The following ATP23 variants were observed in gnomAD, a reference collection of about 807,000 sequenced individuals.
ATP23 encodes ATP23 metallopeptidase and ATP synthase assembly factor homolog.
A neutral mutation model predicts 28.5 loss-of-function variants in ATP23; 24 were observed. The ratio of observed to expected loss-of-function variants is 0.84; its 90% CI spans 0.61 to 1.18. ATP23 has a LOEUF of 1.18. ATP23 is among the 50% of genes most tolerant of loss of function. The probability of loss-of-function intolerance (pLI) is 0.00; values close to 1 mark genes in which losing one functional copy is unlikely to be tolerated. For missense variants in ATP23, 274 were observed against 306.4 expected (o/e 0.89, Z 0.79); for synonymous variants, 99 against 108.6 (o/e 0.91, Z 0.55).
intron 5 of ATP23, among the ~76,000 whole-genome samples, chr12:57,954,365 T>G (rs1322256890): frequency 6.6e-6 from 1 of 152,204 alleles, no homozygotes; most frequent in Non-Finnish European, 1.5e-5. Flanking sequence ...ATGTAATCCC[T>G]TTCAGAACAG....
chr12:57,948,325 C>G (rs2140532212), intron 3 of ATP23, among the ~76,000 whole-genome samples: 1 of 152,210 alleles, frequency 6.6e-6, no homozygotes, highest in East Asian at 1.9e-4. Flanking sequence ...CTCTGTCACC[C>G]AGGCTGGAAT....
At chr12:57,947,605 T>G (rs866701196) in intron 3 of ATP23, among the ~76,000 whole-genome samples, 5 of 152,150 alleles carry the variant, frequency 3.3e-5, no homozygotes, top group Admixed American at 6.5e-5. Context: ...TACCTTTACG[T>G]GGTGAGAATT....
At chr12:57,942,114 C>T (rs1309326969) in intron 1 of ATP23, among the ~76,000 whole-genome samples, 2 of 152,158 alleles carry the variant, frequency 1.3e-5, no homozygotes, top group African/African-American at 4.8e-5. Context: ...ATGAATTTGT[C>T]TGCCCTTTTT....
At chr12:57,948,844 G>A (rs917238795) in intron 3 of ATP23, among the ~76,000 whole-genome samples, 7 of 152,224 alleles carry the variant, frequency 4.6e-5, no homozygotes, top group East Asian at 1.9e-4. Context: ...CAATCCAACA[G>A]TGTGTTATTT....
At chr12:57,944,081 A>G (rs966310242) in intron 1 of ATP23, among the ~76,000 whole-genome samples, 12 of 149,494 alleles carry the variant, frequency 8.0e-5, no homozygotes, top group African/African-American at 3.0e-4. Flanking sequence ...TTTAAGTACA[A>G]GGACTACAGA....
At chr12:57,945,123 G>A (rs1379305494) in intron 1 of ATP23, among the ~76,000 whole-genome samples, 2 of 152,228 alleles carry the variant, frequency 1.3e-5, no homozygotes, top group Non-Finnish European at 2.9e-5. Flanking sequence ...TATTGTCTAA[G>A]ATGCTTAGTA....
chr12:57,956,152 C>T (rs979250060), intron 5 of ATP23, among the ~76,000 whole-genome samples: 4 of 152,080 alleles, frequency 2.6e-5, no homozygotes, highest in African/African-American at 9.7e-5. Context: ...TGTTTAATTT[C>T]CACACCCCCT....
At chr12:57,944,705 G>A (rs1247213880) in intron 1 of ATP23, among the ~76,000 whole-genome samples, 1 of 152,220 alleles carries the variant, frequency 6.6e-6, no homozygotes, top group Non-Finnish European at 1.5e-5. Context: ...TTTGGTCCTT[G>A]TTCTGCCCTT....
rs1017600331 is a variant in ATP23, at chr12:57,947,015, A to G, written c.254A>G (p.His85Arg). 4 of 1,613,904 alleles carry G rather than the reference A, an allele frequency of 2.5e-6. No homozygotes were observed. The African/African-American group carries it at 5.3e-5, about 22-fold the overall frequency. Residue 85 changes from histidine to arginine, a missense_variant, in exon 3 of 6, where the codon CAC becomes CGC. By Grantham distance (29) the His-to-Arg change is conservative. Transcript: ENST00000300145. The stretch of plus-strand genomic sequence containing the variant: ...TTTAGTGCTGTTAACAAAGATAGAC[A>G]CTTTTCTTGCGAAGACTGTAATGGA... ...HSGCAVNKDRHFSCEDCNGNV... is the reference protein window; with the variant it reads ...HSGCAVNKDRRFSCEDCNGNV...
intron 5 of ATP23, 86 bp downstream of exon 5, chr12:57,953,775 T>C (rs1416263542): frequency 1.7e-6 from 2 of 1,194,070 alleles, no homozygotes; most frequent in Admixed American, 2.0e-5. Context: ...ATTCAGTATT[T>C]GAAATTTGAA....
chr12:57,942,129 A>G (rs1409164385), intron 1 of ATP23, among the ~76,000 whole-genome samples: 2 of 151,826 alleles, frequency 1.3e-5, no homozygotes, highest in African/African-American at 2.4e-5. Context: ...CTTTTTTGTC[A>G]CTCACTGTTG....
intron 1 of ATP23, among the ~76,000 whole-genome samples, chr12:57,943,444 C>G (rs761616222): frequency 6.6e-6 from 1 of 151,970 alleles, no homozygotes; most frequent in Non-Finnish European, 1.5e-5. Flanking sequence ...CTTTGGGGAG[C>G]CAAGGCAGGG....
intron 4 of ATP23, among the ~76,000 whole-genome samples, chr12:57,952,956 A>C (rs1347897681): frequency 6.6e-6 from 1 of 152,198 alleles, no homozygotes; most frequent in Non-Finnish European, 1.5e-5. Context: ...AAATCTGAAA[A>C]TATGTCCTAA....
rs11172394 is a variant in ATP23, at chr12:57,954,247, C to T, written c.537+558C>T. 4.4e-4 allele frequency among the ~76,000 whole-genome samples: 65 copies of T among 148,616 alleles called. No homozygotes were observed. The East Asian group carries it at 5.1e-3, about 12-fold the overall frequency. ...AAGATCTTGCATCTGGGATACTTTT[C>T]GATGGGGGTGGATAAGGAATGGAAG... is the stretch of plus-strand genomic sequence containing the variant. On this transcript the variant is annotated intron_variant, in intron 5 of 5. Coordinates refer to ENST00000300145, the MANE Select transcript of ATP23 (RefSeq NM_033276.4).
At chr12:57,956,553 C>G (rs917246869) in intron 5 of ATP23, 134 bp from the exon 6 acceptor site, 22 of 763,034 alleles carry the variant, frequency 2.9e-5, no homozygotes, top group Non-Finnish European at 3.8e-5. Flanking sequence ...TTGTTTTCTT[C>G]TTTGGAATGA....
At position 57,941,655 on chromosome 12, in the gene ATP23, C is replaced by T; in HGVS notation, c.-47C>T. ...GGAGGTTACCTTTCCCAGTCTCGCT[C>T]TGGCCGCCTGAGCCAGGAGGAAGCA... On this transcript the variant is annotated 5_prime_UTR_variant, in exon 1 of 6. Coordinates refer to ENST00000300145, the MANE Select transcript of ATP23 (RefSeq NM_033276.4). The T allele has an allele frequency of 6.3e-7, 1 of 1,583,584 alleles. No individual in the cohort carries two copies. Among genetic ancestry groups the T allele is most frequent in the South Asian group, 1.1e-5 (1 of 88,244 alleles).
At chr12:57,951,196 T>C (rs371600143) in intron 3 of ATP23, among the ~76,000 whole-genome samples, 14 of 152,308 alleles carry the variant, frequency 9.2e-5, no homozygotes, top group African/African-American at 3.4e-4. Context: ...ATGAGGACAG[T>C]GGTGGTCATT....
chr12:57,954,003 G>A (rs1304522426), intron 5 of ATP23, among the ~76,000 whole-genome samples: 2 of 151,934 alleles, frequency 1.3e-5, no homozygotes, highest in African/African-American at 2.4e-5. Context: ...GACCAGCGTG[G>A]CCAACATGGT....
intron 3 of ATP23, among the ~76,000 whole-genome samples, chr12:57,951,438 A>G (rs1956813223): frequency 6.6e-6 from 1 of 152,164 alleles, no homozygotes; most frequent in South Asian, 2.1e-4. Context: ...CTTAACCATA[A>G]TGCTGTGGAG....
Sources: gnomAD v4.1 joint callset for allele counts (sites outside exome capture counted in the v4.1 genomes callset) on GRCh38, gnomAD v4.1.1 for gene constraint, MANE v1.5 for transcripts, NCBI Gene and HGNC (gene_info 2026-07-23, HGNC 2026-07-21) for gene names.